The following MBNL2 variants were observed in gnomAD, a reference collection of about 807,000 sequenced individuals.
The protein encoded by MBNL2 is muscleblind like splicing regulator 2.
MBNL2 carries 17 observed loss-of-function variants against 41.9 expected under a neutral mutation model. The observed-to-expected ratio is 0.41, with a 90% CI of 0.28 to 0.61. The LOEUF is 0.61. Ranked by LOEUF, MBNL2 falls within the 20% of genes least tolerant of loss-of-function variation. MBNL2 has a pLI of 0.35. For missense variants in MBNL2, 336 were observed against 505.6 expected, an observed-to-expected ratio of 0.66 and a Z score of 3.22; for synonymous variants, 195 against 182.9, an observed-to-expected ratio of 1.07 and a Z score of -0.53.
intron 1 of MBNL2, among the ~76,000 whole-genome samples, chr13:97,226,451 G>T (rs1020459070): frequency 2.6e-5 from 4 of 152,180 alleles, no homozygotes; most frequent in African/African-American, 9.7e-5. Flanking sequence ...TTTGCTATTT[G>T]GTGAGAAACC....
intron 2 of MBNL2, among the ~76,000 whole-genome samples, chr13:97,294,180 T>C (rs974432387): frequency 1.3e-5 from 2 of 152,280 alleles, no homozygotes; most frequent in African/African-American, 4.8e-5. Context: ...ATATTATTTC[T>C]AGCTTACGCT....
chr13:97,166,888 C>T, the MBNL2 span, among the ~76,000 whole-genome samples: 1 of 145,650 alleles, frequency 6.9e-6, no homozygotes, highest in Non-Finnish European at 1.5e-5. Context: ...CTCTAGAGAA[C>T]CTTGGCTAAT....
intron 7 of MBNL2, among the ~76,000 whole-genome samples, chr13:97,360,775 T>A (rs2063333913): frequency 6.6e-6 from 1 of 152,226 alleles, no homozygotes; most frequent in Non-Finnish European, 1.5e-5. Flanking sequence ...TCTTTGTTCA[T>A]AGAATTGGTG....
intron 2 of MBNL2, among the ~76,000 whole-genome samples, chr13:97,310,530 C>T (rs576348099): frequency 5.3e-5 from 8 of 151,720 alleles, no homozygotes; most frequent in South Asian, 2.1e-4. Context: ...CCCAGGTTCA[C>T]GCCATTCTCC....
the MBNL2 span, among the ~76,000 whole-genome samples, chr13:97,178,945 T>G: frequency 6.6e-6 from 1 of 152,160 alleles, no homozygotes; most frequent in Non-Finnish European, 1.5e-5. Flanking sequence ...TCAAAATAGC[T>G]TTAAATGTTT....
intron 2 of MBNL2, among the ~76,000 whole-genome samples, chr13:97,290,700 A>G (rs1437347612): frequency 7.1e-6 from 1 of 140,722 alleles, no homozygotes; most frequent in Non-Finnish European, 1.6e-5. Context: ...AAAAAAAAAA[A>G]AGAAAGAAAC....
chr13:97,327,273 G>A (rs1332769024), intron 2 of MBNL2, among the ~76,000 whole-genome samples: 16 of 152,070 alleles, frequency 1.1e-4, no homozygotes, highest in East Asian at 3.9e-4. Flanking sequence ...ACCTCATCAC[G>A]TAGACGTCTC....
At chr13:97,218,430 C>CAAAAAAAAAAAAAA (rs746110575), upstream of MBNL2, among the ~76,000 whole-genome samples, 7 of 69,042 alleles carry the variant, frequency 1.0e-4, no homozygotes, top group African/African-American at 2.0e-4. Flanking sequence ...AAAAACAAAA[C>CAAAAAAAAAAAAAA]AAAACAAAAC....
intron 2 of MBNL2, among the ~76,000 whole-genome samples, chr13:97,306,113 T>C (rs918160606): frequency 1.3e-5 from 2 of 152,206 alleles, no homozygotes; most frequent in African/African-American, 4.8e-5. Flanking sequence ...GAAAACATTT[T>C]CTATGACATT....
intron 1 of MBNL2, among the ~76,000 whole-genome samples, chr13:97,263,371 T>C (rs1211681311): frequency 1.3e-5 from 2 of 152,226 alleles, no homozygotes; most frequent in Non-Finnish European, 2.9e-5. Flanking sequence ...CACTGTCTAC[T>C]ATACTAACTA....
chr13:97,215,760 CT>C, the MBNL2 span, among the ~76,000 whole-genome samples: 1 of 151,894 alleles, frequency 6.6e-6, no homozygotes, highest in Admixed American at 6.6e-5. Flanking sequence ...TATTTTTGGC[CT>C]AGGGACACAG....
the MBNL2 span, among the ~76,000 whole-genome samples, chr13:97,151,853 A>C: frequency 6.6e-6 from 1 of 152,166 alleles, no homozygotes; most frequent in Non-Finnish European, 1.5e-5. Flanking sequence ...GGAGACCTGG[A>C]AATACTTATA....
chr13:97,307,531 A>G (rs2058233588), intron 2 of MBNL2, among the ~76,000 whole-genome samples: 1 of 152,242 alleles, frequency 6.6e-6, no homozygotes, highest in Admixed American at 6.5e-5. Context: ...AGAAAAGTCA[A>G]GTAATCCCAT....
At chr13:97,153,351 G>A in the MBNL2 span, among the ~76,000 whole-genome samples, 1 of 151,922 alleles carries the variant, frequency 6.6e-6, no homozygotes, top group African/African-American at 2.4e-5. Context: ...TTTCTTGGAG[G>A]GGGAAGAAGT....
chr13:97,303,175 C>T (rs893970563), intron 2 of MBNL2, among the ~76,000 whole-genome samples: 17 of 152,134 alleles, frequency 1.1e-4, no homozygotes, highest in African/African-American at 4.1e-4. Flanking sequence ...GACATGTGGG[C>T]AGGCTTTGGG....
chr13:97,346,790 C>A lies in MBNL2; in HGVS notation c.541-14C>A. 1 of 1,612,452 alleles carries A rather than the reference C, an allele frequency of 6.2e-7. No homozygotes were observed. The highest frequency in any genetic ancestry group is 8.5e-7 in the Non-Finnish European group (1 of 1,178,880). ...GGCTTGCCTCTGCAGCGCGGCTCTT[C>A]TTCCCTGTCTTAGGTATGCAGGGAG... On this transcript the variant is annotated splice_polypyrimidine_tract_variant and intron_variant, in intron 4 of 8. Transcript: ENST00000679496. The surrounding 1 kb of genome is among the most constrained non-coding windows in gnomAD (Gnocchi z 4.2).
At chr13:97,368,274 C>T (rs1046520350) in intron 8 of MBNL2, among the ~76,000 whole-genome samples, 3 of 151,886 alleles carry the variant, frequency 2.0e-5, no homozygotes, top group Non-Finnish European at 2.9e-5. Flanking sequence ...TAGCCAGGCA[C>T]GGGGTGCCAT....
At chr13:97,209,721 A>G in the MBNL2 span, among the ~76,000 whole-genome samples, 1 of 152,204 alleles carries the variant, frequency 6.6e-6, no homozygotes, top group East Asian at 1.9e-4. Context: ...GTTTTCTAGA[A>G]GTTTGATGAA....
At chr13:97,156,403 G>A in the MBNL2 span, among the ~76,000 whole-genome samples, 1,284 of 146,336 alleles carry the variant, frequency 8.8e-3, 51 homozygotes, top group African/African-American at 0.032. Flanking sequence ...AGTTTAATTA[G>A]ATCCCATTTG....
Sources: allele counts gnomAD v4.1 joint callset (sites outside exome capture counted in the v4.1 genomes callset), GRCh38; gene constraint gnomAD v4.1.1; non-coding constraint Gnocchi (gnomAD v3.1); transcripts MANE v1.5; gene names NCBI Gene and HGNC (gene_info 2026-07-23, HGNC 2026-07-21).